Variants in DACH1 observed in about 807,000 individuals in gnomAD.
DACH1 encodes the protein dachshund family transcription factor 1, also known as dachshund homolog 1.
DACH1 carries 12 observed loss-of-function variants against 54.2 expected under a neutral mutation model. That is an observed-to-expected ratio of 0.22 (90% confidence interval 0.14 to 0.36). DACH1 has a LOEUF of 0.36. Among genes scored for constraint, DACH1 ranks in the 10% least tolerant of loss-of-function variants. The probability of loss-of-function intolerance (pLI) is 1.00; values close to 1 mark genes in which losing one functional copy is unlikely to be tolerated. For synonymous variants in DACH1, 386 were observed against 366.2 expected (o/e 1.05, Z -0.62); for missense variants, 805 against 929.8 (o/e 0.87, Z 1.75).
chr13:71,730,524 T>C (rs867107124), intron 1 of DACH1, among the ~76,000 whole-genome samples: 1 of 152,196 alleles, frequency 6.6e-6, no homozygotes, highest in Non-Finnish European at 1.5e-5. Context: ...ATGTTTACTT[T>C]TATTGCATAA....
intron 1 of DACH1, among the ~76,000 whole-genome samples, chr13:71,819,686 G>C (rs1298491094): frequency 6.6e-6 from 1 of 152,094 alleles, no homozygotes; most frequent in South Asian, 2.1e-4. Context: ...AAGGTGTAAA[G>C]GCTCTGTTTC....
At chr13:71,462,734 C>T (rs1876189397) in intron 10 of DACH1, among the ~76,000 whole-genome samples, 1 of 151,892 alleles carries the variant, frequency 6.6e-6, no homozygotes, top group African/African-American at 2.4e-5. Flanking sequence ...ATGTTATTAT[C>T]ATCTTTGTTT....
chr13:71,618,439 T>C (rs1380641716), intron 3 of DACH1, among the ~76,000 whole-genome samples: 4 of 152,104 alleles, frequency 2.6e-5, no homozygotes, highest in Admixed American at 6.6e-5. Flanking sequence ...CTTTTAAAAA[T>C]CAATTAGAAG....
At chr13:71,584,639 C>A (rs2138442502) in intron 3 of DACH1, among the ~76,000 whole-genome samples, 1 of 151,918 alleles carries the variant, frequency 6.6e-6, no homozygotes, top group Admixed American at 6.5e-5. Flanking sequence ...TGAAACAGTT[C>A]TCTACTGAAC....
chr13:71,577,569 T>C (rs1477181308), intron 3 of DACH1, among the ~76,000 whole-genome samples: 1 of 152,164 alleles, frequency 6.6e-6, no homozygotes, highest in Non-Finnish European at 1.5e-5. Context: ...ACAATTGTTT[T>C]TTACTTTCTT....
chr13:71,496,933 A>T (rs1053093878), intron 6 of DACH1, among the ~76,000 whole-genome samples: 1 of 152,200 alleles, frequency 6.6e-6, no homozygotes, highest in Non-Finnish European at 1.5e-5. Flanking sequence ...AAGTTACTCC[A>T]GAAATTTTTA....
intron 1 of DACH1, among the ~76,000 whole-genome samples, chr13:71,788,840 T>C (rs898992256): frequency 1.3e-5 from 2 of 152,176 alleles, no homozygotes; most frequent in Admixed American, 6.6e-5. Context: ...CAAACTCTTA[T>C]AAACCTCCAT....
At chr13:71,629,748 T>G (rs933696475) in intron 3 of DACH1, among the ~76,000 whole-genome samples, 1 of 152,160 alleles carries the variant, frequency 6.6e-6, no homozygotes, top group African/African-American at 2.4e-5. Flanking sequence ...CATCTTGTAG[T>G]ATCCAAATTT....
At chr13:71,659,951 TG>T (rs1209881998) in intron 2 of DACH1, among the ~76,000 whole-genome samples, 1 of 152,164 alleles carries the variant, frequency 6.6e-6, no homozygotes, top group Non-Finnish European at 1.5e-5. Context: ...TTTGAGTCAC[TG>T]GCATTATACA....
rs192600133 is a variant in DACH1 at position 71,837,163 on chromosome 13, G to T, written c.848+28759C>A. Among the ~76,000 whole-genome samples the T allele has an allele frequency of 1.2e-3, 184 of 151,972 alleles. 1 individual carries two copies. Among genetic ancestry groups the T allele is most frequent in the East Asian group, 2.1e-3 (11 of 5,174 alleles). On this transcript the variant is annotated intron_variant, in intron 1 of 10. Transcript: ENST00000613252. ...ACCTTAAATAATAAGGCAAATTTAA[G>T]GTAATATTAAGTAAATATACTTCCT... is the stretch of plus-strand genomic sequence containing the variant.
At chr13:71,523,199 G>A (rs960627526) in intron 6 of DACH1, among the ~76,000 whole-genome samples, 3 of 152,110 alleles carry the variant, frequency 2.0e-5, no homozygotes, top group Non-Finnish European at 4.4e-5. Flanking sequence ...CATTTCAGAT[G>A]CAACTGTTTC....
At chr13:71,567,171 CA>C (rs1884941882) in intron 4 of DACH1, among the ~76,000 whole-genome samples, 3 of 151,874 alleles carry the variant, frequency 2.0e-5, no homozygotes. Flanking sequence ...CACAGAGACA[CA>C]TAACAGATCA....
chr13:71,841,138 A>G (rs1872810809), intron 1 of DACH1, among the ~76,000 whole-genome samples: 1 of 152,164 alleles, frequency 6.6e-6, no homozygotes. Flanking sequence ...TAAAAAGTTT[A>G]TAAATATTAA....
intron 1 of DACH1, among the ~76,000 whole-genome samples, chr13:71,841,895 T>C (rs1872878604): frequency 1.3e-5 from 2 of 152,204 alleles, no homozygotes; most frequent in Admixed American, 6.5e-5. Context: ...AGTTTACAAA[T>C]GCCATCTCAT....
At chr13:71,649,066 C>A (rs1216191493) in intron 2 of DACH1, among the ~76,000 whole-genome samples, 1 of 152,122 alleles carries the variant, frequency 6.6e-6, no homozygotes, top group Non-Finnish European at 1.5e-5. Flanking sequence ...TTCCTATCAA[C>A]AACAGACCAC....
chr13:71,779,180 CAT>C (rs1318576879), intron 1 of DACH1, among the ~76,000 whole-genome samples: 1 of 127,706 alleles, frequency 7.8e-6, no homozygotes, highest in Non-Finnish European at 1.7e-5. Context: ...TATATATACA[CAT>C]ATATACGTAT....
At chr13:71,677,815 G>A (rs529118036) in intron 2 of DACH1, among the ~76,000 whole-genome samples, 1 of 152,210 alleles carries the variant, frequency 6.6e-6, no homozygotes, top group South Asian at 2.1e-4. Flanking sequence ...TGCCTCCCGA[G>A]TTCAAGCGAT....
chr13:71,522,030 G>A (rs1385920943), intron 6 of DACH1, among the ~76,000 whole-genome samples: 1 of 152,092 alleles, frequency 6.6e-6, no homozygotes, highest in Non-Finnish European at 1.5e-5. Flanking sequence ...AACTACTACA[G>A]TATAACAACC....
chr13:71,865,910 C>A lies in DACH1; in HGVS notation c.848+12G>T, dbSNP rs771277772. ...GGGGCGCGGGCGGCGGGGGCTATCCCCCCCGACTCACCTTGCGTTGGTGCA... is the reference window on the plus strand; with the variant it reads ...GGGGCGCGGGCGGCGGGGGCTATCCACCCCGACTCACCTTGCGTTGGTGCA... On this transcript the variant is annotated intron_variant, in intron 1 of 10. Transcript: ENST00000613252. 1.3e-6 allele frequency: 2 copies of A among 1,592,756 alleles called. No individual in the cohort carries two copies. Among genetic ancestry groups the A allele is most frequent in the Non-Finnish European group, 1.7e-6 (2 of 1,169,032 alleles).
Sources: allele counts gnomAD v4.1 joint callset (sites outside exome capture counted in the v4.1 genomes callset), GRCh38; gene constraint gnomAD v4.1.1; transcripts MANE v1.5; gene names NCBI Gene and HGNC (gene_info 2026-07-23, HGNC 2026-07-21).